Variants in NCAM2 observed in about 807,000 individuals in gnomAD.
NCAM2 encodes neural cell adhesion molecule 2, also known as N-CAM-2.
In NCAM2, 30 loss-of-function variants were observed where a neutral mutation model predicts 98.1. The ratio of observed to expected loss-of-function variants is 0.31; its 90% CI spans 0.23 to 0.41. The LOEUF is 0.41. NCAM2 is among the 10% of genes least tolerant of loss of function. The probability of loss-of-function intolerance (pLI) is 1.00; values close to 1 mark genes in which losing one functional copy is unlikely to be tolerated. For missense variants in NCAM2, 867 were observed against 1,005.8 expected (o/e 0.86, Z 1.87); for synonymous variants, 368 against 342.4 (o/e 1.07, Z -0.83).
chr21:21,522,191 CTA>C (rs1050461283), intron 16 of NCAM2, among the ~76,000 whole-genome samples: 1 of 146,036 alleles, frequency 6.8e-6, no homozygotes, highest in Non-Finnish European at 1.5e-5. Flanking sequence ...TGAATGAATG[CTA>C]TATATATGAA....
intron 15 of NCAM2, among the ~76,000 whole-genome samples, chr21:21,486,069 C>T (rs1047927514): frequency 1.3e-5 from 2 of 151,864 alleles, no homozygotes; most frequent in East Asian, 1.9e-4. Context: ...TTTGGGAGGC[C>T]GAGGCAGGTG....
chr21:21,290,111 T>C (rs2073240175), intron 4 of NCAM2: 1 of 151,942 alleles, frequency 6.6e-6, no homozygotes. Context: ...TGTAAAGGCA[T>C]GTGAAGACAG....
At chr21:21,337,772 T>C (rs1001005911) in intron 7 of NCAM2, among the ~76,000 whole-genome samples, 3 of 151,932 alleles carry the variant, frequency 2.0e-5, no homozygotes, top group Non-Finnish European at 4.4e-5. Context: ...TTGTCTAGTA[T>C]ATTGTTAAGT....
At chr21:21,087,444 C>G (rs534487681) in intron 1 of NCAM2, among the ~76,000 whole-genome samples, 1 of 152,156 alleles carries the variant, frequency 6.6e-6, no homozygotes, top group East Asian at 1.9e-4. Flanking sequence ...ACAGTCCACA[C>G]AGCTCTTTAT....
chr21:21,397,539 G>A (rs990359887), intron 9 of NCAM2, among the ~76,000 whole-genome samples: 3 of 152,158 alleles, frequency 2.0e-5, no homozygotes, highest in Non-Finnish European at 2.9e-5. Context: ...GGGATGGGAC[G>A]GCACCTGGGC....
chr21:21,074,874 A>G (rs1263662047), intron 1 of NCAM2, among the ~76,000 whole-genome samples: 1 of 152,176 alleles, frequency 6.6e-6, no homozygotes, highest in African/African-American at 2.4e-5. Flanking sequence ...ATCATTCTAT[A>G]AAGACATGCA....
At chr21:21,045,163 C>T (rs941807277) in intron 1 of NCAM2, among the ~76,000 whole-genome samples, 2 of 152,062 alleles carry the variant, frequency 1.3e-5, no homozygotes, top group Admixed American at 6.6e-5. Context: ...TAACAAAAAA[C>T]ATACAGAAAC....
chr21:21,079,493 G>T (rs1452951670), intron 1 of NCAM2, among the ~76,000 whole-genome samples: 1 of 152,048 alleles, frequency 6.6e-6, no homozygotes, highest in African/African-American at 2.4e-5. Context: ...ATATTTTAAA[G>T]GGGTAAACAA....
rs1354406242 is a variant in NCAM2 at position 21,286,151 on chromosome 21, G to C, written c.338-118G>C. 5 of 1,100,956 alleles carry C rather than the reference G, an allele frequency of 4.5e-6. No homozygotes were observed. In the East Asian group the frequency reaches 1.3e-4, roughly 29 times the overall value. The allele number at this position is 1,100,956 out of a possible 1,614,324, so 68.2% of individuals were successfully genotyped here. On this transcript the variant is annotated intron_variant, in intron 3 of 17. Transcript: ENST00000400546. ...CTAGTTTAAGATTTTAAAGTATCTA[G>C]GTTTCCCTAATTATTTTATTATAGT...
intron 1 of NCAM2, among the ~76,000 whole-genome samples, chr21:21,161,606 C>G (rs936800746): frequency 6.7e-6 from 1 of 150,000 alleles, no homozygotes; most frequent in South Asian, 2.1e-4. Context: ...AGAGAGAGAG[C>G]AAGATAACAT....
chr21:21,331,511 C>CTA (rs1400422948), intron 6 of NCAM2, among the ~76,000 whole-genome samples: 1 of 6,552 alleles, frequency 1.5e-4, no homozygotes, highest in African/African-American at 4.5e-4. Context: ...TCTATACTCT[C>CTA]TCTCTCTATA....
intron 9 of NCAM2, among the ~76,000 whole-genome samples, chr21:21,378,662 A>G (rs1282506219): frequency 6.6e-6 from 1 of 152,088 alleles, no homozygotes; most frequent in African/African-American, 2.4e-5. Context: ...ATTCGCATGT[A>G]TATGTGTGCA....
chr21:21,446,730 AG>A (rs1980209621), intron 12 of NCAM2, among the ~76,000 whole-genome samples: 1 of 152,120 alleles, frequency 6.6e-6, no homozygotes, highest in Non-Finnish European at 1.5e-5. Context: ...AATGTGGAAA[AG>A]TCACATATAT....
chr21:21,504,726 A>G (rs1214044487), intron 15 of NCAM2, among the ~76,000 whole-genome samples: 2 of 151,720 alleles, frequency 1.3e-5, no homozygotes, highest in Non-Finnish European at 2.9e-5. Flanking sequence ...ATATATATAT[A>G]ATATGTATAT....
intron 1 of NCAM2, among the ~76,000 whole-genome samples, chr21:21,071,061 G>C (rs748555693): frequency 2.0e-5 from 3 of 152,120 alleles, no homozygotes; most frequent in Non-Finnish European, 4.4e-5. Context: ...GGAAATTTGA[G>C]CCAGCTGATT....
Position 21,509,077 on chromosome 21 carries a change from C to T in NCAM2, c.2282+22C>T, listed in dbSNP as rs372564323. ...ACCTGTGAGTATCAGGCATCTACATCATGTCATATTAAACAAGCGCCACAG... is the reference window on the plus strand; with the variant it reads ...ACCTGTGAGTATCAGGCATCTACATTATGTCATATTAAACAAGCGCCACAG... On this transcript the variant is annotated intron_variant, in intron 16 of 17. Coordinates refer to ENST00000400546, the MANE Select transcript of NCAM2 (RefSeq NM_004540.5). 5 of 1,611,330 alleles carry T rather than the reference C, an allele frequency of 3.1e-6. No homozygotes were observed. In the African/African-American group the frequency reaches 4.0e-5, roughly 13 times the overall value.
rs2071985496 is a variant in NCAM2, at chr21:21,263,079, A to C, written c.56-17499A>C. Reference sequence around the variant, plus strand: ...ATTATCAAATTATCCCTCTTCTCTGACAACATGATCCTATACCTAGAAAAC... The same window carrying C: ...ATTATCAAATTATCCCTCTTCTCTGCCAACATGATCCTATACCTAGAAAAC... On this transcript the variant is annotated intron_variant, in intron 1 of 17. Transcript: ENST00000400546. 3.9e-5 allele frequency among the ~76,000 whole-genome samples: 6 copies of C among 152,254 alleles called. No homozygotes were observed. The South Asian group carries it at 1.2e-3, about 32-fold the overall frequency.
intron 8 of NCAM2, among the ~76,000 whole-genome samples, chr21:21,346,731 A>G (rs1242915022): frequency 6.6e-6 from 1 of 152,104 alleles, no homozygotes; most frequent in African/African-American, 2.4e-5. Flanking sequence ...ACTTTTTGAA[A>G]GTATAAAAAT....
chr21:21,100,064 G>A (rs1954296911), intron 1 of NCAM2, among the ~76,000 whole-genome samples: 1 of 151,796 alleles, frequency 6.6e-6, no homozygotes, highest in African/African-American at 2.4e-5. Context: ...TCAGGAAAAG[G>A]CCTACATAGC....
Sources: allele counts gnomAD v4.1 joint callset (sites outside exome capture counted in the v4.1 genomes callset), GRCh38; gene constraint gnomAD v4.1.1; transcripts MANE v1.5; gene names NCBI Gene and HGNC (gene_info 2026-07-23, HGNC 2026-07-21).